TMX2: variants seen among roughly 807,000 people sequenced by gnomAD.
TMX2 encodes the protein thioredoxin-related transmembrane protein 2.
In TMX2, 20 loss-of-function variants were observed where a neutral mutation model predicts 33.4. The ratio of observed to expected loss-of-function variants is 0.60; its 90% CI spans 0.42 to 0.87. The LOEUF (loss-of-function observed/expected upper bound fraction) is 0.87. Ranked by LOEUF, TMX2 falls within the 40% of genes least tolerant of loss-of-function variation. The pLI, the probability that TMX2 is intolerant of heterozygous loss-of-function variation, is 0.00. For synonymous variants in TMX2, 166 were observed against 140.7 expected (o/e 1.18, Z -1.27); for missense variants, 340 against 370.7 (o/e 0.92, Z 0.68).
chr11:57,734,236 A>G (rs1224153574), intron 1 of TMX2, among the ~76,000 whole-genome samples: 2 of 151,872 alleles, frequency 1.3e-5, no homozygotes, highest in Non-Finnish European at 2.9e-5. Context: ...CAGAAGTGGT[A>G]AATCACTTTC....
intron 1 of TMX2, among the ~76,000 whole-genome samples, chr11:57,720,066 A>T (rs561870329): frequency 6.7e-6 from 1 of 148,712 alleles, no homozygotes; most frequent in Non-Finnish European, 1.5e-5. Flanking sequence ...AAGCAGGTGG[A>T]TTACCTGAGG....
rs553818057 is a variant in TMX2 at position 57,732,000 on chromosome 11, CAT to C, written c.190-5605_190-5604del. ...ACAATGTGAATATTCATACCAAAAA[CAT>C]ATCAAAGTTGCTACACCTAAGACTA... On this transcript the variant is annotated intron_variant, in intron 1 of 7. Coordinates refer to ENST00000278422, the MANE Select transcript of TMX2 (RefSeq NM_015959.4). Among the ~76,000 whole-genome samples the C allele has an allele frequency of 1.4e-3, 207 of 152,276 alleles. 1 individual carries two copies. The highest frequency in any genetic ancestry group is 4.7e-3 in the African/African-American group (197 of 41,558).
intron 1 of TMX2, among the ~76,000 whole-genome samples, chr11:57,731,131 T>C (rs895013982): frequency 2.0e-4 from 2 of 9,880 alleles, no homozygotes; most frequent in East Asian, 6.3e-3. Flanking sequence ...TTTTGTTTTT[T>C]TTTTTTTTTT....
At chr11:57,737,521 G>A (rs1264422934) in intron 1 of TMX2, 87 bp from the exon 2 acceptor site, 17 of 1,105,986 alleles carry the variant, frequency 1.5e-5, no homozygotes, top group Non-Finnish European at 2.3e-5. Context: ...GATCGCTATT[G>A]GTTTTTATTA....
At chr11:57,735,869 C>G (rs1948724381) in intron 1 of TMX2, among the ~76,000 whole-genome samples, 1 of 152,190 alleles carries the variant, frequency 6.6e-6, no homozygotes, top group South Asian at 2.1e-4. Flanking sequence ...TGGCCAGATC[C>G]ACTGCATGGT....
chr11:57,737,886 C>T, intron 2 of TMX2, 27 bp from the exon 3 acceptor site: 1 of 1,614,212 alleles, frequency 6.2e-7, no homozygotes, highest in Non-Finnish European at 8.5e-7. Context: ...ACAGCCCAGC[C>T]TGACCTGTGA....
chr11:57,734,582 T>C (rs1948625989), intron 1 of TMX2, among the ~76,000 whole-genome samples: 1 of 151,390 alleles, frequency 6.6e-6, no homozygotes, highest in African/African-American at 2.4e-5. Flanking sequence ...ACCCCATCTC[T>C]ACTAAAAATA....
At chr11:57,721,795 G>C (rs752985499) in intron 1 of TMX2, among the ~76,000 whole-genome samples, 1 of 151,902 alleles carries the variant, frequency 6.6e-6, no homozygotes, top group Non-Finnish European at 1.5e-5. Flanking sequence ...TGTTTTCATA[G>C]ACAGTTAAGG....
chr11:57,713,263 G>A (rs1946752093), intron 1 of TMX2, among the ~76,000 whole-genome samples: 1 of 152,146 alleles, frequency 6.6e-6, no homozygotes, highest in Non-Finnish European at 1.5e-5. Flanking sequence ...TACAACTAAT[G>A]AGTGCCTGGG....
At chr11:57,729,131 A>G (rs1948189261) in intron 1 of TMX2, among the ~76,000 whole-genome samples, 2 of 152,182 alleles carry the variant, frequency 1.3e-5, no homozygotes, top group Admixed American at 1.3e-4. Context: ...GAGAAAAAAA[A>G]AAGGCGAGAA....
intron 1 of TMX2, chr11:57,718,412 G>T: frequency 2.9e-6 from 4 of 1,362,254 alleles, no homozygotes; most frequent in Non-Finnish European, 4.2e-6. Context: ...TTTTTGTCCA[G>T]TGCTCAGAGC....
At chr11:57,712,853 C>T in intron 1 of TMX2, 46 bp downstream of exon 1, 1 of 1,606,872 alleles carries the variant, frequency 6.2e-7, no homozygotes, top group Non-Finnish European at 8.5e-7. Flanking sequence ...ACTGTCCCTG[C>T]CCTTGCAGGT....
intron 1 of TMX2, among the ~76,000 whole-genome samples, chr11:57,731,939 A>AGAGAAAAAGACTATTTTGGG (rs1948435172): frequency 6.6e-6 from 1 of 152,204 alleles, no homozygotes; most frequent in Non-Finnish European, 1.5e-5. Flanking sequence ...AGATATAACA[A>AGAGAAAAAGACTATTTTGGG]GAGAAAAAGA....
chr11:57,739,196 A>G lies in TMX2; in HGVS notation c.680A>G (p.Lys227Arg), dbSNP rs749073552. Residue 227 changes from lysine to arginine, a missense_variant, in exon 7 of 8, where the codon AAG (lysine) becomes AGG (arginine). Lys to Arg is a conservative substitution (Grantham distance 26). Around this residue, in one of 3 missense-constraint regions of TMX2, gnomAD observed 209 missense variants for 241.6 expected, o/e 0.87. Transcript: ENST00000278422. ...ACCCTGATCCTGTTCCAAGGTGGCA[A>G]GGAGGCAATGCGGCGGCCACAGATT... ...LPTLILFQGG[K>R]EAMRRPQIDK... 1.2e-6 allele frequency: 2 copies of G among 1,614,116 alleles called. No homozygotes were observed. Among genetic ancestry groups the G allele is most frequent in the Admixed American group, 1.7e-5 (1 of 60,016 alleles).
Position 57,712,600 on chromosome 11 carries a change from G to T in TMX2, c.-19G>T. On this transcript the variant is annotated 5_prime_UTR_variant, in exon 1 of 8. Transcript: ENST00000278422. ...GAGACCTACGACGCCGGCGAGCAGTGGCCGTTACGGCCGAAAAGATGGCGG... is the reference window on the plus strand; with the variant it reads ...GAGACCTACGACGCCGGCGAGCAGTTGCCGTTACGGCCGAAAAGATGGCGG... The T allele has an allele frequency of 1.3e-6, 2 of 1,593,292 alleles. No homozygotes were observed. Among genetic ancestry groups the T allele is most frequent in the Non-Finnish European group, 1.7e-6 (2 of 1,167,020 alleles).
intron 1 of TMX2, chr11:57,718,372 G>A: frequency 3.4e-6 from 5 of 1,486,418 alleles, no homozygotes; most frequent in Admixed American, 1.7e-5. Flanking sequence ...GAATAATTCT[G>A]TGAAAGCAGG....
At chr11:57,737,047 T>TAA (rs1434709615) in intron 1 of TMX2, among the ~76,000 whole-genome samples, 1 of 152,226 alleles carries the variant, frequency 6.6e-6, no homozygotes, top group Non-Finnish European at 1.5e-5. Context: ...CAACTCTTTT[T>TAA]AATCTGTTAT....
chr11:57,724,901 G>A (rs1369832100), intron 1 of TMX2, among the ~76,000 whole-genome samples: 1 of 151,924 alleles, frequency 6.6e-6, no homozygotes, highest in East Asian at 1.9e-4. Context: ...AGCTGGGTGC[G>A]GTGGCAGGCG....
intron 1 of TMX2, among the ~76,000 whole-genome samples, chr11:57,718,902 G>A (rs948166565): frequency 4.6e-5 from 7 of 151,268 alleles, no homozygotes; most frequent in African/African-American, 9.7e-5. Context: ...TGATCCGCCC[G>A]CCTTGGCCTC....
Sources: gnomAD v4.1 joint callset for allele counts (sites outside exome capture counted in the v4.1 genomes callset) on GRCh38, gnomAD v4.1.1 for gene constraint, gnomAD v4.1.1 regional missense constraint, MANE v1.5 for transcripts, NCBI Gene and HGNC (gene_info 2026-07-23, HGNC 2026-07-21) for gene names.